The following ERMP1 variants were observed in gnomAD, a reference collection of about 807,000 sequenced individuals.
ERMP1 encodes the protein Felix-ina.
ERMP1 carries 86 observed loss-of-function variants against 92.0 expected under a neutral mutation model. The observed-to-expected ratio is 0.93, with a 90% CI of 0.79 to 1.12. ERMP1 has a LOEUF of 1.12. Ranked by LOEUF, ERMP1 falls within the 50% of genes most tolerant of loss-of-function variation. ERMP1 has a pLI of 0.00. For synonymous variants in ERMP1, 530 were observed against 412.8 expected (o/e 1.28, Z -3.44); for missense variants, 1,342 against 1,116.3 (o/e 1.20, Z -2.88).
intron 4 of ERMP1, among the ~76,000 whole-genome samples, chr9:5,815,494 C>CAAAAAAAAAAAAAAAA (rs3068691): frequency 1.0e-5 from 1 of 97,422 alleles, no homozygotes; most frequent in Non-Finnish European, 2.1e-5. Flanking sequence ...ACTGAAATAA[C>CAAAAAAAAAAAAAAAA]AAAAAAAAAA....
chr9:5,805,847 T>C, intron 8 of ERMP1, 62 bp from the exon 9 acceptor site: 1 of 1,269,226 alleles, frequency 7.9e-7, no homozygotes, highest in Non-Finnish European at 1.1e-6. Context: ...GAGCTTTTAT[T>C]ATAGTAACAC....
chr9:5,797,585 T>C (rs1412719519), intron 13 of ERMP1, among the ~76,000 whole-genome samples: 2 of 150,838 alleles, frequency 1.3e-5, no homozygotes, highest in South Asian at 4.2e-4. Flanking sequence ...GAGGCGGAGG[T>C]TGCAGTGAGC....
At chr9:5,857,726 T>C (rs1375114430) in intron 6 of ERMP1, among the ~76,000 whole-genome samples, 1 of 152,188 alleles carries the variant, frequency 6.6e-6, no homozygotes, top group African/African-American at 2.4e-5. Flanking sequence ...ATTCAGCATA[T>C]CATCCCACGT....
At position 5,832,920 on chromosome 9, in the gene ERMP1, C is replaced by T; in HGVS notation, c.108G>A (p.Gln36=). The part of the protein sequence containing the change: ...APPPEREARA[Q]EPLVDGCSGG... ...CGCTGCACCCATCCACCAGAGGCTCCTGCGCTCGGGCCTCCCTCTCCGGCG... is the reference window on the plus strand; with the variant it reads ...CGCTGCACCCATCCACCAGAGGCTCTTGCGCTCGGGCCTCCCTCTCCGGCG... Residue 36 remains glutamine, a synonymous_variant, in exon 1 of 15, where the codon CAG becomes CAA. Transcript: ENST00000339450. The T allele has an allele frequency of 6.4e-7, 1 of 1,562,388 alleles. No homozygotes were observed. The highest frequency in any genetic ancestry group is 8.6e-7 in the Non-Finnish European group (1 of 1,165,202).
intron 4 of ERMP1, among the ~76,000 whole-genome samples, chr9:5,820,479 T>C (rs1586810593): frequency 1.3e-5 from 2 of 152,346 alleles, no homozygotes; most frequent in East Asian, 1.9e-4. Context: ...GCATGAATAT[T>C]TTCCCAAGAG....
intron 6 of ERMP1, among the ~76,000 whole-genome samples, chr9:5,839,502 C>G (rs1830132321): frequency 6.6e-6 from 1 of 152,186 alleles, no homozygotes; most frequent in South Asian, 2.1e-4. Flanking sequence ...ATGAGAGTCA[C>G]TGACTCATGT....
At chr9:5,801,114 GA>G in intron 11 of ERMP1, 61 bp downstream of exon 11, 1 of 1,536,888 alleles carries the variant, frequency 6.5e-7, no homozygotes, top group Non-Finnish European at 8.8e-7. Flanking sequence ...ATTCACTACT[GA>G]AGCTCAAAAC....
At chr9:5,826,153 T>G (rs1829724441) in intron 2 of ERMP1, among the ~76,000 whole-genome samples, 1 of 152,206 alleles carries the variant, frequency 6.6e-6, no homozygotes, top group Non-Finnish European at 1.5e-5. Flanking sequence ...ATCAGACTGC[T>G]GAAGCTGGGA....
At chr9:5,791,076 G>A (rs911491333) in intron 13 of ERMP1, among the ~76,000 whole-genome samples, 2 of 152,188 alleles carry the variant, frequency 1.3e-5, no homozygotes, top group African/African-American at 2.4e-5. Flanking sequence ...ATCAGGGGAA[G>A]AGTACTCAGA....
Position 5,785,810 on chromosome 9 carries a change from TTTGTCC to T in ERMP1, c.*1328_*1333del, listed in dbSNP as rs1168214273. On this transcript the variant is annotated 3_prime_UTR_variant, in exon 15 of 15. Coordinates refer to ENST00000339450, the MANE Select transcript of ERMP1 (RefSeq NM_024896.3). ...TTAACTGTGCCTTTTCTTTCAACTT[TTTGTCC>T]TTGTTAAAACTCAAAATTTGTCCAA... 6.6e-6 allele frequency: 1 copy of T among 152,232 alleles called. No individual in the cohort carries two copies. The highest frequency in any genetic ancestry group is 1.5e-5 in the Non-Finnish European group (1 of 68,036). 9.4% of individuals were successfully genotyped at this position (152,232 alleles called of 1,614,324 possible). A position where few individuals can be genotyped will look rare whatever the true frequency, so the allele number is the denominator to read the frequency against.
chr9:5,817,369 T>C (rs1586805947), intron 4 of ERMP1, among the ~76,000 whole-genome samples: 1 of 151,974 alleles, frequency 6.6e-6, no homozygotes, highest in Non-Finnish European at 1.5e-5. Flanking sequence ...TTTGTACTTT[T>C]AGTAGAGACA....
In ERMP1 at chr9:5,810,080, A is replaced by T. The variant is rs144889308; in HGVS notation, c.1479T>A (p.Cys493Ter). The change falls in exon 8 of 15, where the codon TGT becomes TGA. Residue 493 changes from cysteine to a stop codon, truncating the protein, a stop_gained. Coordinates refer to ENST00000339450, the MANE Select transcript of ERMP1 (RefSeq NM_024896.3). LOFTEE classifies it high-confidence loss of function. Reference sequence around the variant, plus strand: ...TGGCTACAGTTGCAGTTCCATACAGACAAACGGAGACATAGAAGTGGTTAT... The same window carrying T: ...TGGCTACAGTTGCAGTTCCATACAGTCAAACGGAGACATAGAAGTGGTTAT... ...SWYNHFYVSV[C>*]LYGTATVAKI... is the part of the protein sequence containing the mutation. 4.0e-5 allele frequency: 65 copies of T among 1,614,034 alleles called. No individual in the cohort carries two copies. In the African/African-American group the frequency reaches 8.0e-4, roughly 20 times the overall value.
intron 6 of ERMP1, among the ~76,000 whole-genome samples, chr9:5,840,956 G>A (rs1225701644): frequency 2.0e-5 from 3 of 152,200 alleles, no homozygotes; most frequent in Admixed American, 6.5e-5. Flanking sequence ...TTGATGAAAG[G>A]CAACTTGTCA....
intron 4 of ERMP1, 122 bp from the exon 5 acceptor site, chr9:5,813,157 C>T: frequency 1.2e-6 from 1 of 845,448 alleles, no homozygotes; most frequent in South Asian, 1.7e-5. Context: ...CCAATATGTA[C>T]CTTTTCATCC....
At chr9:5,833,813 C>G (rs1466477518), upstream of ERMP1, among the ~76,000 whole-genome samples, 1 of 152,186 alleles carries the variant, frequency 6.6e-6, no homozygotes, top group Non-Finnish European at 1.5e-5. Flanking sequence ...CATTAGCACT[C>G]TGCAAGTGAA....
chr9:5,830,188 T>C (rs1186166096), intron 2 of ERMP1, among the ~76,000 whole-genome samples: 1 of 152,112 alleles, frequency 6.6e-6, no homozygotes, highest in Non-Finnish European at 1.5e-5. Flanking sequence ...TCTTAAAACA[T>C]GAGTTTTTTT....
At chr9:5,804,216 T>C (rs1828782923) in intron 10 of ERMP1, among the ~76,000 whole-genome samples, 1 of 152,204 alleles carries the variant, frequency 6.6e-6, no homozygotes, top group African/African-American at 2.4e-5. Flanking sequence ...CAATAATTAC[T>C]TTTTATTCTT....
intron 6 of ERMP1, among the ~76,000 whole-genome samples, chr9:5,844,069 C>T (rs1563779730): frequency 1.3e-5 from 2 of 152,056 alleles, no homozygotes; most frequent in Non-Finnish European, 2.9e-5. Context: ...TCAGTCAGAC[C>T]TACAATCAAA....
chr9:5,814,889 G>A (rs1829242878), intron 4 of ERMP1, among the ~76,000 whole-genome samples: 1 of 152,054 alleles, frequency 6.6e-6, no homozygotes, highest in Admixed American at 6.6e-5. Flanking sequence ...AATTTCACCA[G>A]ACAAGTATAA....
Sources: gnomAD v4.1 joint callset for allele counts (sites outside exome capture counted in the v4.1 genomes callset) on GRCh38, gnomAD v4.1.1 for gene constraint, MANE v1.5 for transcripts, NCBI Gene and HGNC (gene_info 2026-07-23, HGNC 2026-07-21) for gene names.